LINGO1: variants seen among roughly 807,000 people sequenced by gnomAD.
LINGO1 encodes leucine rich repeat and Ig domain containing 1.
Under a neutral mutation model 37.3 loss-of-function variants are expected in LINGO1, and 11 were observed. The observed-to-expected ratio is 0.29, with a 90% confidence interval of 0.19 to 0.49. The LOEUF is 0.49. Among genes scored for constraint, LINGO1 ranks in the 20% least tolerant of loss-of-function variants. The probability of loss-of-function intolerance (pLI) is 0.99; values close to 1 mark genes in which losing one functional copy is unlikely to be tolerated. For synonymous variants in LINGO1, 387 were observed against 403.0 expected (o/e 0.96, Z 0.48); for missense variants, 585 against 878.2 (o/e 0.67, Z 4.22).
At position 77,615,867 on chromosome 15, in the gene LINGO1, T is replaced by A; in HGVS notation, c.40A>T (p.Ser14Cys). Residue 14 changes from serine (S) to cysteine (C), a missense_variant, in exon 2 of 2, where the codon AGC (serine) becomes TGC (cysteine). Physicochemically the swap from Ser to Cys is moderately radical, Grantham distance 112. Around this residue, in one of 4 missense-constraint regions of LINGO1, gnomAD observed 65 missense variants for 57.0 expected, o/e 1.14. Transcript: ENST00000355300. ...CAGGCCAGGAGGGGGCTGGGCATGC[T>A]CCTCACGCCCCCCGCCAGCATCCTC... Reference protein sequence around the residue: ...SKRMLAGGVRSMPSPLLACWQ... With the variant: ...SKRMLAGGVRCMPSPLLACWQ... 6.8e-7 allele frequency: 1 copy of A among 1,477,650 alleles called. No individual in the cohort carries two copies. The highest frequency in any genetic ancestry group is 8.9e-7 in the Non-Finnish European group (1 of 1,120,390). 91.5% of individuals were successfully genotyped at this position (1,477,650 alleles called of 1,614,324 possible). A position where few individuals can be genotyped will look rare whatever the true frequency, so the allele number is the denominator to read the frequency against.
At chr15:77,727,092 G>C (rs1379531135) in intron 2 of LINGO1, among the ~76,000 whole-genome samples, 2 of 152,212 alleles carry the variant, frequency 1.3e-5, no homozygotes, top group Non-Finnish European at 2.9e-5. Flanking sequence ...ATAAGTATTT[G>C]CAAGGACATG....
At chr15:77,691,135 T>C (rs1026502439) in intron 1 of LINGO1, among the ~76,000 whole-genome samples, 1 of 152,242 alleles carries the variant, frequency 6.6e-6, no homozygotes, top group African/African-American at 2.4e-5. Context: ...GCAATGTGGA[T>C]AGTGTGATAA....
chr15:77,625,783 G>T (rs543538708), intron 1 of LINGO1, among the ~76,000 whole-genome samples: 1 of 152,138 alleles, frequency 6.6e-6, no homozygotes, highest in East Asian at 1.9e-4. Context: ...CAGGTTCAGG[G>T]GCCTGCTGAG....
At chr15:77,663,965 T>C (rs552470587) in intron 3 of LINGO1, among the ~76,000 whole-genome samples, 1 of 152,238 alleles carries the variant, frequency 6.6e-6, no homozygotes, top group African/African-American at 2.4e-5. Flanking sequence ...GCAGAGCCCC[T>C]CTGGCAGAGG....
In LINGO1 at chr15:77,776,498, CAGGAAGGCAGGAAGGCAGGAAGGGAGGA is replaced by C. The variant is rs1567577629; in HGVS notation, c.-257+10343_-257+10370del. ...GCAGGAAGGCAGGAAAGCAGGAAGG[CAGGAAGGCAGGAAGGCAGGAAGGGAGGA>C]AGGGAGGGAGGGAGGGAGGGAGGGA... On this transcript the variant is annotated intron_variant, in intron 1 of 3. Transcript: ENST00000561686. Among the ~76,000 whole-genome samples the C allele has an allele frequency of 9.5e-4, 58 of 61,070 alleles. 1 individual carries two copies. The highest frequency in any genetic ancestry group is 4.0e-3 in the African/African-American group (53 of 13,274). The allele number at this position is 61,070 out of a possible 152,430, so 40.1% of individuals were successfully genotyped here.
chr15:77,747,251 C>T (rs1335789251), intron 1 of LINGO1, among the ~76,000 whole-genome samples: 1 of 152,204 alleles, frequency 6.6e-6, no homozygotes, highest in Non-Finnish European at 1.5e-5. Context: ...GGCAACACAG[C>T]CAGGGTTTGG....
chr15:77,666,760 C>A, intron 3 of LINGO1, among the ~76,000 whole-genome samples: 1 of 152,210 alleles, frequency 6.6e-6, no homozygotes, highest in East Asian at 1.9e-4. Context: ...TTGTAAGATG[C>A]TTTTAACAGT....
intron 3 of LINGO1, among the ~76,000 whole-genome samples, chr15:77,658,781 C>T (rs1454195713): frequency 1.3e-5 from 2 of 152,146 alleles, no homozygotes; most frequent in Admixed American, 1.3e-4. Flanking sequence ...GAGCTGAGTC[C>T]TGAACATGAT....
upstream of LINGO1, chr15:77,634,460 C>T (rs2074354515): frequency 4.9e-5 from 19 of 385,722 alleles, 1 homozygote; most frequent in South Asian, 3.5e-4. Flanking sequence ...TGTACGTTCA[C>T]CCTCCAGCAA....
chr15:77,819,221 G>C (rs12911998), intron 1 of LINGO1: 13 of 148,600 alleles, frequency 8.7e-5, no homozygotes, highest in African/African-American at 1.2e-4. Flanking sequence ...CCCGGCCTGC[G>C]CCCCTGCGGC....
intron 3 of LINGO1, chr15:77,641,942 G>A (rs1380570144): frequency 4.4e-6 from 2 of 456,704 alleles, no homozygotes; most frequent in Admixed American, 2.3e-5. Context: ...GCCACCTGTT[G>A]GCGGAGTGGT....
Position 77,761,093 on chromosome 15 carries a change from A to AT in LINGO1, c.-257+25775dup, listed in dbSNP as rs111468790. ...AGGTGCGTGCCACCATGCCTGGCTAATTTTTTTTTTTTTTGTATTTTTAGT... is the reference window on the plus strand; with the variant it reads ...AGGTGCGTGCCACCATGCCTGGCTAATTTTTTTTTTTTTTTGTATTTTTAGT... On this transcript the variant is annotated intron_variant, in intron 1 of 3. Coordinates refer to the LINGO1 transcript ENST00000561686. 3.3e-3 allele frequency among the ~76,000 whole-genome samples: 470 copies of AT among 140,630 alleles called. 2 individuals are homozygous for AT. The highest frequency in any genetic ancestry group is 7.6e-3 in the African/African-American group (290 of 38,380). 92.3% of individuals were successfully genotyped at this position (140,630 alleles called of 152,430 possible).
At chr15:77,636,615 G>A (rs115232796), upstream of LINGO1, among the ~76,000 whole-genome samples, 512 of 152,230 alleles carry the variant, frequency 3.4e-3, 4 homozygotes, top group African/African-American at 0.012. Flanking sequence ...TTGTTAACTT[G>A]CTGTGTGACC....
intron 2 of LINGO1, among the ~76,000 whole-genome samples, chr15:77,685,524 T>G (rs986647050): frequency 6.6e-6 from 1 of 152,084 alleles, no homozygotes; most frequent in Non-Finnish European, 1.5e-5. Flanking sequence ...AGGCCTCCCA[T>G]CCCAGAGTAG....
At position 77,654,229 on chromosome 15, in the gene LINGO1, A is replaced by AT. The variant is rs528819605; in HGVS notation, c.-13+22859dup. 4.3e-4 allele frequency among the ~76,000 whole-genome samples: 66 copies of AT among 152,176 alleles called. 1 individual carries two copies. Among genetic ancestry groups the AT allele is most frequent in the Admixed American group, 4.1e-3 (62 of 15,296 alleles). On this transcript the variant is annotated intron_variant, in intron 3 of 3. Coordinates refer to the LINGO1 transcript ENST00000559893. Reference sequence around the variant, plus strand: ...CCCGTGCTTGGAATGGGGGTGAGAAATTACCGTGAGTTGTTTGAAATCTCT... The same window carrying AT: ...CCCGTGCTTGGAATGGGGGTGAGAAATTTACCGTGAGTTGTTTGAAATCTCT...
At chr15:77,661,757 G>A (rs1486790602) in intron 3 of LINGO1, among the ~76,000 whole-genome samples, 3 of 152,174 alleles carry the variant, frequency 2.0e-5, no homozygotes, top group Non-Finnish European at 4.4e-5. Flanking sequence ...TCCCAGCGGG[G>A]CCTGAGCAAA....
At chr15:77,766,241 T>C (rs1220108799) in intron 1 of LINGO1, among the ~76,000 whole-genome samples, 1 of 136,696 alleles carries the variant, frequency 7.3e-6, no homozygotes, top group African/African-American at 2.8e-5. Flanking sequence ...GAGGCTAGAA[T>C]GAGCCATGAC....
At chr15:77,713,602 T>C (rs1167980373) in intron 2 of LINGO1, among the ~76,000 whole-genome samples, 1 of 151,906 alleles carries the variant, frequency 6.6e-6, no homozygotes, top group Non-Finnish European at 1.5e-5. Context: ...CACACAGGAC[T>C]ATATATAAAC....
chr15:77,658,000 T>A (rs1349605764), intron 3 of LINGO1, among the ~76,000 whole-genome samples: 2 of 152,112 alleles, frequency 1.3e-5, no homozygotes, highest in Non-Finnish European at 2.9e-5. Context: ...GGGCCATCTG[T>A]TTCCCGGGGG....
Sources: allele counts gnomAD v4.1 joint callset (sites outside exome capture counted in the v4.1 genomes callset), GRCh38; gene constraint gnomAD v4.1.1; regional missense constraint gnomAD v4.1.1; transcripts MANE v1.5; gene names NCBI Gene and HGNC (gene_info 2026-07-23, HGNC 2026-07-21).